The following CDKAL1 variants were observed in gnomAD, a reference collection of about 807,000 sequenced individuals.
CDKAL1 encodes the protein threonylcarbamoyladenosine tRNA methylthiotransferase.
In CDKAL1, 32 loss-of-function variants were observed where a neutral mutation model predicts 68.2. The observed-to-expected ratio is 0.47, with a 90% CI of 0.35 to 0.63. CDKAL1 has a LOEUF of 0.63. CDKAL1 is among the 30% of genes least tolerant of loss of function. The pLI, the probability that CDKAL1 is intolerant of heterozygous loss-of-function variation, is 0.00. For synonymous variants in CDKAL1, 234 were observed against 244.3 expected, an observed-to-expected ratio of 0.96 and a Z score of 0.39; for missense variants, 606 against 696.7, an observed-to-expected ratio of 0.87 and a Z score of 1.47.
At chr6:20,775,934 C>T (rs780594926) in intron 7 of CDKAL1, among the ~76,000 whole-genome samples, 4 of 151,904 alleles carry the variant, frequency 2.6e-5, no homozygotes, top group Non-Finnish European at 4.4e-5. Flanking sequence ...TCATCTTTGG[C>T]CAGATATAAC....
intron 6 of CDKAL1, among the ~76,000 whole-genome samples, chr6:20,742,633 A>T (rs965181768): frequency 1.2e-4 from 18 of 151,430 alleles, no homozygotes; most frequent in Middle Eastern, 6.9e-3. Context: ...AGAATTTTCT[A>T]GTTTTTAGGA....
At chr6:20,974,249 A>C (rs1282718049) in intron 10 of CDKAL1, among the ~76,000 whole-genome samples, 1 of 152,248 alleles carries the variant, frequency 6.6e-6, no homozygotes, top group Non-Finnish European at 1.5e-5. Flanking sequence ...CATTTCTTCT[A>C]CTGGCCTGAC....
chr6:20,974,694 T>C (rs1407818972), intron 10 of CDKAL1, among the ~76,000 whole-genome samples: 1 of 151,662 alleles, frequency 6.6e-6, no homozygotes, highest in Non-Finnish European at 1.5e-5. Context: ...AATAAAATAT[T>C]TGGGCCAGGT....
At chr6:21,106,155 A>G (rs1386908753) in intron 12 of CDKAL1, among the ~76,000 whole-genome samples, 1 of 152,234 alleles carries the variant, frequency 6.6e-6, no homozygotes, top group Non-Finnish European at 1.5e-5. Flanking sequence ...AGGCTGGCAA[A>G]GATGTTTGTG....
chr6:20,850,727 A>G (rs1456800985), intron 9 of CDKAL1, among the ~76,000 whole-genome samples: 1 of 152,126 alleles, frequency 6.6e-6, no homozygotes, highest in Non-Finnish European at 1.5e-5. Flanking sequence ...TGTGATTATG[A>G]GACATTTTAT....
At chr6:20,705,656 T>C (rs1388274009) in intron 5 of CDKAL1, among the ~76,000 whole-genome samples, 1 of 152,226 alleles carries the variant, frequency 6.6e-6, no homozygotes. Flanking sequence ...GACACATTTT[T>C]ACTCAGGAGA....
intron 9 of CDKAL1, among the ~76,000 whole-genome samples, chr6:20,892,293 T>A (rs187479076): frequency 1.3e-5 from 2 of 152,272 alleles, no homozygotes; most frequent in Admixed American, 1.3e-4. Context: ...GAAAAGAGAC[T>A]TAAAAGAGAA....
At chr6:20,824,378 AAT>A (rs1256554987) in intron 8 of CDKAL1, among the ~76,000 whole-genome samples, 1 of 152,114 alleles carries the variant, frequency 6.6e-6, no homozygotes, top group Non-Finnish European at 1.5e-5. Context: ...GCTCGGGCAT[AAT>A]TTAGGGTCCT....
intron 9 of CDKAL1, among the ~76,000 whole-genome samples, chr6:20,935,030 G>A (rs954047741): frequency 9.9e-5 from 15 of 151,472 alleles, no homozygotes; most frequent in African/African-American, 3.6e-4. Flanking sequence ...TGAGTATCTG[G>A]GACTACAGGC....
intron 12 of CDKAL1, among the ~76,000 whole-genome samples, chr6:21,090,389 A>G (rs1489887959): frequency 6.6e-6 from 1 of 152,248 alleles, no homozygotes; most frequent in Non-Finnish European, 1.5e-5. Context: ...GCACAACTTC[A>G]ACACATTTGA....
chr6:20,878,311 A>G (rs1760635604), intron 9 of CDKAL1, among the ~76,000 whole-genome samples: 1 of 152,160 alleles, frequency 6.6e-6, no homozygotes, highest in Non-Finnish European at 1.5e-5. Flanking sequence ...ATCTGTTCGT[A>G]CCTAATAAGC....
intron 10 of CDKAL1, among the ~76,000 whole-genome samples, chr6:20,957,522 G>A (rs965892116): frequency 6.6e-6 from 1 of 152,100 alleles, no homozygotes; most frequent in Non-Finnish European, 1.5e-5. Context: ...AGTTTTGATG[G>A]TCATGACATT....
intron 13 of CDKAL1, among the ~76,000 whole-genome samples, chr6:21,111,968 A>T (rs1306484230): frequency 6.6e-6 from 1 of 152,210 alleles, no homozygotes; most frequent in Non-Finnish European, 1.5e-5. Flanking sequence ...ACAGGTAATG[A>T]ACATAACTTG....
intron 9 of CDKAL1, among the ~76,000 whole-genome samples, chr6:20,939,723 G>A (rs866825044): frequency 6.6e-6 from 1 of 152,118 alleles, no homozygotes; most frequent in Non-Finnish European, 1.5e-5. Flanking sequence ...TTTTATGGAG[G>A]GGGGATTGAG....
chr6:20,613,249 CTTTTTTTTTTTTTTTTTTTTTTTTT>C lies in CDKAL1; in HGVS notation c.287-36025_287-36001del, dbSNP rs71559677. On this transcript the variant is annotated intron_variant, in intron 4 of 15. Transcript: ENST00000274695. ...TATCAGTTCATCACAAAATTTCTTT[CTTTTTTTTTTTTTTTTTTTTTTTTT>C]TTTTTTTTTTTTTTTTTTGAGACGG... Among the ~76,000 whole-genome samples, 195 of 77,862 alleles carry C rather than the reference CTTTTTTTTTTTTTTTTTTTTTTTTT, an allele frequency of 2.5e-3. 2 individuals carry two copies. The highest frequency in any genetic ancestry group is 7.5e-3 in the Middle Eastern group (1 of 134). The allele number at this position is 77,862 out of a possible 152,430, so 51.1% of individuals were successfully genotyped here.
intron 4 of CDKAL1, among the ~76,000 whole-genome samples, chr6:20,613,940 G>C (rs1051108644): frequency 6.6e-6 from 1 of 152,080 alleles, no homozygotes; most frequent in Admixed American, 6.6e-5. Context: ...ATATATGCTT[G>C]CTGGTTTCCC....
At chr6:20,824,748 G>T (rs144056755) in intron 8 of CDKAL1, among the ~76,000 whole-genome samples, 1 of 152,164 alleles carries the variant, frequency 6.6e-6, no homozygotes, top group African/African-American at 2.4e-5. Context: ...CTGCCTACAC[G>T]TAGGGGGAAA....
intron 8 of CDKAL1, among the ~76,000 whole-genome samples, chr6:20,789,879 T>C (rs557211509): frequency 3.3e-5 from 5 of 152,352 alleles, no homozygotes; most frequent in African/African-American, 9.6e-5. Context: ...TCTTTAAGAA[T>C]CAGCTTATTT....
intron 4 of CDKAL1, among the ~76,000 whole-genome samples, chr6:20,560,347 A>G (rs967404066): frequency 2.0e-5 from 3 of 152,194 alleles, no homozygotes; most frequent in Non-Finnish European, 4.4e-5. Flanking sequence ...GATCTTGTGC[A>G]GATACCCGTC....
Sources: allele counts gnomAD v4.1 joint callset (sites outside exome capture counted in the v4.1 genomes callset), GRCh38; gene constraint gnomAD v4.1.1; transcripts MANE v1.5; gene names NCBI Gene and HGNC (gene_info 2026-07-23, HGNC 2026-07-21).